Variants in UNC13B observed in about 807,000 individuals in gnomAD.
UNC13B encodes the protein unc-13 homolog B.
In UNC13B, 144 loss-of-function variants were observed where a neutral mutation model predicts 211.0. That is an observed-to-expected ratio of 0.68 (90% CI 0.60 to 0.78). The LOEUF is 0.78. Among genes scored for constraint, UNC13B ranks in the 30% least tolerant of loss-of-function variants. The probability of loss-of-function intolerance (pLI) is 0.00; values close to 1 mark genes in which losing one functional copy is unlikely to be tolerated. For synonymous variants in UNC13B, 709 were observed against 725.8 expected (o/e 0.98, Z 0.37); for missense variants, 1,777 against 2,002.0 (o/e 0.89, Z 2.14).
chr9:35,273,336 C>A (rs954554382), intron 7 of UNC13B, among the ~76,000 whole-genome samples: 1 of 152,172 alleles, frequency 6.6e-6, no homozygotes, highest in Non-Finnish European at 1.5e-5. Context: ...AAATTACTTA[C>A]CTTTCCTCAT....
intron 1 of UNC13B, among the ~76,000 whole-genome samples, chr9:35,170,315 AC>A (rs1052572363): frequency 6.6e-6 from 1 of 150,764 alleles, no homozygotes; most frequent in Non-Finnish European, 1.5e-5. Context: ...ACAGGTGTCC[AC>A]CACCACGCCT....
intron 11 of UNC13B, among the ~76,000 whole-genome samples, chr9:35,324,200 T>C (rs1358528189): frequency 2.0e-5 from 3 of 152,194 alleles, no homozygotes; most frequent in Non-Finnish European, 4.4e-5. Context: ...TTTTTAACAC[T>C]AATCTTAGAA....
At chr9:35,312,547 C>T (rs901070517) in intron 10 of UNC13B, among the ~76,000 whole-genome samples, 2 of 152,216 alleles carry the variant, frequency 1.3e-5, no homozygotes, top group South Asian at 2.1e-4. Context: ...TTGTCCTTCT[C>T]TACTGGTTGT....
intron 1 of UNC13B, among the ~76,000 whole-genome samples, chr9:35,167,754 A>ATT (rs765603183): frequency 5.4e-4 from 62 of 115,656 alleles, no homozygotes; most frequent in African/African-American, 7.9e-4. Context: ...TGCCTGGCTA[A>ATT]TTTTTTTTTT....
intron 12 of UNC13B, among the ~76,000 whole-genome samples, chr9:35,368,170 A>G (rs903521673): frequency 6.6e-6 from 1 of 152,162 alleles, no homozygotes; most frequent in Non-Finnish European, 1.5e-5. Context: ...TCACCCAAGT[A>G]CTATAACAAT....
chr9:35,167,894 C>T (rs985388875), intron 1 of UNC13B, among the ~76,000 whole-genome samples: 1 of 151,512 alleles, frequency 6.6e-6, no homozygotes, highest in Non-Finnish European at 1.5e-5. Context: ...TGAGCCACCA[C>T]GTCCAGCCTG....
In UNC13B at chr9:35,303,896, GA is replaced by G. The variant is rs1374490548; in HGVS notation, c.4496del (p.Asn1499ThrfsTer116). On this transcript the variant is annotated frameshift_variant, in exon 9 of 40. Coordinates refer to ENST00000635942, the MANE Select transcript of UNC13B (RefSeq NM_001371189.2). LOFTEE classifies it high-confidence loss of function. ...VVDQESLRMD[E>X]NFVFSSFGYE... ...TGATCAAGAATCATTAAGAATGGATGAAAACTTTGTTTTTTCAAGTTTTGGT... is the reference window on the plus strand; with the variant it reads ...TGATCAAGAATCATTAAGAATGGATGAAACTTTGTTTTTTCAAGTTTTGGT... The G allele has an allele frequency of 2.5e-6, 1 of 398,612 alleles. No homozygotes were observed. The highest frequency in any genetic ancestry group is 2.1e-5 in the African/African-American group (1 of 48,610). 24.7% of individuals were successfully genotyped at this position (398,612 alleles called of 1,614,324 possible). A position where few individuals can be genotyped will look rare whatever the true frequency, so the allele number is the denominator to read the frequency against.
chr9:35,357,469 T>C (rs1441915379), intron 11 of UNC13B, among the ~76,000 whole-genome samples: 2 of 152,148 alleles, frequency 1.3e-5, no homozygotes, highest in Non-Finnish European at 2.9e-5. Context: ...TTATATATTC[T>C]GGATATAAGT....
intron 11 of UNC13B, chr9:35,361,832 C>G (rs1230157061): frequency 6.6e-6 from 1 of 152,114 alleles, no homozygotes; most frequent in African/African-American, 2.4e-5. Context: ...TGAACTAAGT[C>G]TTAGGGAATA....
intron 1 of UNC13B, among the ~76,000 whole-genome samples, chr9:35,194,053 A>T (rs538403347): frequency 6.6e-6 from 1 of 152,156 alleles, no homozygotes; most frequent in South Asian, 2.1e-4. Flanking sequence ...GGGCAGAGTG[A>T]CCTGGAAGTT....
chr9:35,394,914 G>A (rs1835774772), intron 26 of UNC13B, among the ~76,000 whole-genome samples: 1 of 152,210 alleles, frequency 6.6e-6, no homozygotes, highest in African/African-American at 2.4e-5. Flanking sequence ...CCAGAGTGCA[G>A]ATAATAAATT....
In UNC13B at chr9:35,178,392, G is replaced by A. The variant is rs1821752219; in HGVS notation, c.22+16087G>A. Among the ~76,000 whole-genome samples the A allele has an allele frequency of 2.0e-5, 3 of 152,020 alleles. No individual in the cohort carries two copies. In the South Asian group the frequency reaches 6.2e-4, roughly 31 times the overall value. On this transcript the variant is annotated intron_variant, in intron 1 of 39. Transcript: ENST00000635942. Reference sequence around the variant, plus strand: ...CATGCCTGTAGTCCCTAATACTTGGGAGGCTGAGGTGGGAGGATTGCTTAA... The same window carrying A: ...CATGCCTGTAGTCCCTAATACTTGGAAGGCTGAGGTGGGAGGATTGCTTAA...
intron 1 of UNC13B, among the ~76,000 whole-genome samples, chr9:35,195,066 C>T (rs1416766568): frequency 1.6e-5 from 1 of 62,000 alleles, no homozygotes; most frequent in Non-Finnish European, 3.3e-5. Context: ...GGAAGGCTGG[C>T]CACCCCACCC....
At chr9:35,325,262 A>G (rs1048394857) in intron 11 of UNC13B, among the ~76,000 whole-genome samples, 1 of 152,184 alleles carries the variant, frequency 6.6e-6, no homozygotes, top group South Asian at 2.1e-4. Context: ...TGTGAAGAGG[A>G]ATGAGGGGGG....
At chr9:35,339,183 C>T (rs1831838101) in intron 11 of UNC13B, among the ~76,000 whole-genome samples, 1 of 152,208 alleles carries the variant, frequency 6.6e-6, no homozygotes. Context: ...GAGCATTTCA[C>T]AGCTTCTGGA....
At chr9:35,217,648 C>G (rs967106426) in intron 1 of UNC13B, among the ~76,000 whole-genome samples, 2 of 152,176 alleles carry the variant, frequency 1.3e-5, no homozygotes, top group East Asian at 1.9e-4. Flanking sequence ...CTCGGCCTCC[C>G]AAAGTGCTGG....
chr9:35,359,317 T>C (rs1833241828), intron 11 of UNC13B, among the ~76,000 whole-genome samples: 1 of 152,178 alleles, frequency 6.6e-6, no homozygotes, highest in African/African-American at 2.4e-5. Context: ...TCCTTCTTAG[T>C]TATCTTTGCT....
At chr9:35,319,068 C>T (rs1231163185) in intron 11 of UNC13B, among the ~76,000 whole-genome samples, 3 of 152,252 alleles carry the variant, frequency 2.0e-5, no homozygotes, top group African/African-American at 7.2e-5. Flanking sequence ...GTTGCTTTTG[C>T]TCATATTTTC....
intron 1 of UNC13B, among the ~76,000 whole-genome samples, chr9:35,218,038 G>T (rs1239546153): frequency 6.6e-5 from 10 of 152,076 alleles, no homozygotes; most frequent in African/African-American, 2.4e-4. Context: ...AAGATTTTAG[G>T]CGTGGAAAGA....
Sources: allele counts gnomAD v4.1 joint callset (sites outside exome capture counted in the v4.1 genomes callset), GRCh38; gene constraint gnomAD v4.1.1; transcripts MANE v1.5; gene names NCBI Gene and HGNC (gene_info 2026-07-23, HGNC 2026-07-21).